CPQ: variants seen among roughly 807,000 people sequenced by gnomAD.
CPQ encodes the protein Ser-Met dipeptidase.
A neutral mutation model predicts 45.7 loss-of-function variants in CPQ; 37 were observed. That is an observed-to-expected ratio of 0.81 (90% CI 0.62 to 1.07). CPQ has a LOEUF of 1.07. Ranked by LOEUF, CPQ falls within the 50% of genes least tolerant of loss-of-function variation. The probability of loss-of-function intolerance (pLI) is 0.00; values close to 1 mark genes in which losing one functional copy is unlikely to be tolerated. For synonymous variants in CPQ, 186 were observed against 205.8 expected, an observed-to-expected ratio of 0.90 and a Z score of 0.82; for missense variants, 537 against 572.9, an observed-to-expected ratio of 0.94 and a Z score of 0.64.
chr8:96,702,389 G>A (rs527687513), intron 1 of CPQ, among the ~76,000 whole-genome samples: 3 of 152,256 alleles, frequency 2.0e-5, no homozygotes, highest in South Asian at 4.1e-4. Context: ...AAAGGGGTGG[G>A]TAGAGAAAGG....
chr8:96,943,300 C>T (rs1813147313), intron 4 of CPQ, among the ~76,000 whole-genome samples: 2 of 152,108 alleles, frequency 1.3e-5, no homozygotes, highest in South Asian at 2.1e-4. Flanking sequence ...TCTGTAGATG[C>T]GTGTACACAA....
intron 7 of CPQ, among the ~76,000 whole-genome samples, chr8:97,119,250 A>T (rs1811652230): frequency 6.8e-6 from 1 of 147,204 alleles, no homozygotes; most frequent in Non-Finnish European, 1.5e-5. Flanking sequence ...AATCACTTGA[A>T]CCCAGGAGGC....
intron 4 of CPQ, among the ~76,000 whole-genome samples, chr8:96,961,533 G>T (rs2130355193): frequency 6.6e-6 from 1 of 152,124 alleles, no homozygotes; most frequent in African/African-American, 2.4e-5. Flanking sequence ...TGAACATAAA[G>T]CCTTCATTTT....
intron 5 of CPQ, among the ~76,000 whole-genome samples, chr8:97,011,714 G>A (rs576043964): frequency 1.3e-5 from 2 of 152,306 alleles, no homozygotes; most frequent in African/African-American, 2.4e-5. Context: ...AGAATTAAAT[G>A]AGGTAATATT....
chr8:97,055,447 T>C (rs1810437991), intron 6 of CPQ: 1 of 152,200 alleles, frequency 6.6e-6, no homozygotes, highest in African/African-American at 2.4e-5. Flanking sequence ...GCTTCTTTAG[T>C]CATAAAGCCA....
chr8:96,837,743 G>T (rs1811549944), intron 3 of CPQ, among the ~76,000 whole-genome samples: 1 of 152,036 alleles, frequency 6.6e-6, no homozygotes, highest in East Asian at 1.9e-4. Flanking sequence ...TTCTTCTCTG[G>T]GATGTTCCAT....
At chr8:96,952,352 A>G (rs1178379990) in intron 4 of CPQ, among the ~76,000 whole-genome samples, 1 of 143,950 alleles carries the variant, frequency 6.9e-6, no homozygotes. Context: ...ACAATCTCCT[A>G]AAGTCATTCT....
At chr8:97,086,237 T>G (rs978457173) in intron 7 of CPQ, among the ~76,000 whole-genome samples, 1 of 152,216 alleles carries the variant, frequency 6.6e-6, no homozygotes, top group African/African-American at 2.4e-5. Context: ...TGCTGCACGC[T>G]TAAATAATGT....
chr8:96,729,630 T>G (rs958899985), intron 1 of CPQ, among the ~76,000 whole-genome samples: 5 of 152,264 alleles, frequency 3.3e-5, no homozygotes, highest in East Asian at 1.9e-4. Flanking sequence ...TTATTTTGTG[T>G]TTTTTTGCTA....
chr8:97,020,334 CA>C (rs1809657149), intron 5 of CPQ, among the ~76,000 whole-genome samples: 1 of 151,928 alleles, frequency 6.6e-6, no homozygotes, highest in African/African-American at 2.4e-5. Flanking sequence ...GAAACAAAAA[CA>C]AACCAAACCC....
chr8:96,908,777 A>ACC (rs1554577108), intron 4 of CPQ, among the ~76,000 whole-genome samples: 3,228 of 150,272 alleles, frequency 0.021, 47 homozygotes, highest in Non-Finnish European at 0.031. Flanking sequence ...ACACACACAC[A>ACC]CCATATATTC....
chr8:96,869,065 A>G (rs1812031845), intron 3 of CPQ, among the ~76,000 whole-genome samples: 1 of 152,020 alleles, frequency 6.6e-6, no homozygotes, highest in Non-Finnish European at 1.5e-5. Context: ...AAACATTTCT[A>G]ATCTCTTTTA....
intron 1 of CPQ, among the ~76,000 whole-genome samples, chr8:96,740,816 C>G (rs1810075936): frequency 6.6e-6 from 1 of 152,180 alleles, no homozygotes; most frequent in Non-Finnish European, 1.5e-5. Flanking sequence ...ATGAAGCCCA[C>G]TTGATCATGG....
At chr8:96,844,869 A>G (rs576891673) in intron 3 of CPQ, among the ~76,000 whole-genome samples, 5 of 152,230 alleles carry the variant, frequency 3.3e-5, no homozygotes, top group East Asian at 3.9e-4. Flanking sequence ...AAAACTATGC[A>G]CTTGTCTTTT....
At chr8:96,843,991 A>G (rs530226584) in intron 3 of CPQ, among the ~76,000 whole-genome samples, 3 of 152,256 alleles carry the variant, frequency 2.0e-5, no homozygotes, top group African/African-American at 7.2e-5. Flanking sequence ...CTTGGCTGCT[A>G]TTTTGCATTC....
At chr8:97,037,554 T>C (rs1229277813) in intron 6 of CPQ, among the ~76,000 whole-genome samples, 3 of 152,348 alleles carry the variant, frequency 2.0e-5, no homozygotes, top group African/African-American at 7.2e-5. Context: ...TGCATTAGTC[T>C]CTCAAGCACA....
At chr8:96,646,801 G>C (rs746167709) in intron 1 of CPQ, among the ~76,000 whole-genome samples, 5 of 152,186 alleles carry the variant, frequency 3.3e-5, no homozygotes, top group Admixed American at 6.5e-5. Flanking sequence ...ATGGAGTTCT[G>C]CTTACTTCAC....
intron 5 of CPQ, among the ~76,000 whole-genome samples, chr8:97,028,650 C>G (rs1809841957): frequency 6.6e-6 from 1 of 152,160 alleles, no homozygotes; most frequent in South Asian, 2.1e-4. Flanking sequence ...TTGTAGGTAA[C>G]TTTCACTGAG....
intron 2 of CPQ, among the ~76,000 whole-genome samples, chr8:96,804,436 A>G (rs1811050302): frequency 6.6e-6 from 1 of 152,178 alleles, no homozygotes; most frequent in Non-Finnish European, 1.5e-5. Context: ...AACTAATGTG[A>G]TTAGGACAAA....
Sources: allele counts gnomAD v4.1 joint callset (sites outside exome capture counted in the v4.1 genomes callset), GRCh38; gene constraint gnomAD v4.1.1; transcripts MANE v1.5; gene names NCBI Gene and HGNC (gene_info 2026-07-23, HGNC 2026-07-21).